DPH5: variants seen among roughly 807,000 people sequenced by gnomAD.
DPH5 encodes diphthine methyl ester synthase.
A neutral mutation model predicts 31.6 loss-of-function variants in DPH5; 31 were observed. The ratio of observed to expected loss-of-function variants is 0.98; its 90% confidence interval spans 0.74 to 1.32. The LOEUF is 1.32. Among genes scored for constraint, DPH5 ranks in the 40% most tolerant of loss-of-function variants. The probability of loss-of-function intolerance (pLI) is 0.00; values close to 1 mark genes in which losing one functional copy is unlikely to be tolerated. For synonymous variants in DPH5, 120 were observed against 115.0 expected, an observed-to-expected ratio of 1.04 and a Z score of -0.28; for missense variants, 309 against 335.7, an observed-to-expected ratio of 0.92 and a Z score of 0.62.
intron 4 of DPH5, 144 bp from the exon 5 acceptor site, chr1:101,001,731 G>A (rs1173355334): frequency 1.5e-6 from 1 of 654,154 alleles, no homozygotes; most frequent in Non-Finnish European, 2.5e-6. Context: ...ACCAAAAAAG[G>A]TAACAGGAAC....
chr1:101,021,906 A>C (rs1461845629), intron 2 of DPH5, 141 bp from the exon 3 acceptor site: 1 of 720,312 alleles, frequency 1.4e-6, no homozygotes, highest in Admixed American at 3.0e-5. Context: ...CCAAATGCAG[A>C]TCATTCAATA....
intron 2 of DPH5, among the ~76,000 whole-genome samples, chr1:101,024,570 G>A (rs1221698628): frequency 1.3e-5 from 2 of 152,142 alleles, no homozygotes; most frequent in African/African-American, 2.4e-5. Context: ...TGGAAGACAT[G>A]ACAATAAATC....
At chr1:100,998,309 G>A (rs745438088) in intron 5 of DPH5, among the ~76,000 whole-genome samples, 2 of 152,068 alleles carry the variant, frequency 1.3e-5, no homozygotes, top group Admixed American at 1.3e-4. Context: ...CCAGGGGTTT[G>A]AGACCAGCCT....
chr1:101,000,575 G>A (rs191089944), intron 5 of DPH5, among the ~76,000 whole-genome samples: 250 of 152,224 alleles, frequency 1.6e-3, no homozygotes, highest in African/African-American at 5.6e-3. Flanking sequence ...GCTAAGGAAT[G>A]TTTACAGTAC....
intron 6 of DPH5, among the ~76,000 whole-genome samples, chr1:100,993,277 G>T (rs970546495): frequency 6.6e-6 from 1 of 152,024 alleles, no homozygotes; most frequent in African/African-American, 2.4e-5. Context: ...TGCAGGCCAG[G>T]CGTGGTGGCT....
At chr1:101,012,987 A>G (rs933317438) in intron 4 of DPH5, among the ~76,000 whole-genome samples, 5 of 152,182 alleles carry the variant, frequency 3.3e-5, no homozygotes, top group African/African-American at 1.2e-4. Context: ...CACAGCTTCT[A>G]AGATGCATGT....
At chr1:101,022,858 A>C (rs1228444342) in intron 2 of DPH5, 1 of 152,148 alleles carries the variant, frequency 6.6e-6, no homozygotes, top group Non-Finnish European at 1.5e-5. Context: ...GCTATTATCT[A>C]TCCTTAAGAA....
At chr1:101,010,940 A>C (rs547997832) in intron 4 of DPH5, among the ~76,000 whole-genome samples, 1 of 152,308 alleles carries the variant, frequency 6.6e-6, no homozygotes, top group South Asian at 2.1e-4. Flanking sequence ...ACTTTGTTAC[A>C]AATACAAATT....
At chr1:101,000,093 G>A (rs1437881431) in intron 5 of DPH5, among the ~76,000 whole-genome samples, 1 of 151,926 alleles carries the variant, frequency 6.6e-6, no homozygotes, top group East Asian at 1.9e-4. Flanking sequence ...GTTGCAGTGA[G>A]CCGAGACTGC....
intron 3 of DPH5, among the ~76,000 whole-genome samples, chr1:101,020,225 A>C (rs745947521): frequency 6.6e-6 from 1 of 152,116 alleles, no homozygotes. Context: ...GTTGAACCCT[A>C]TCCAGACCCA....
In DPH5 at chr1:100,990,426, T is replaced by C; in HGVS notation, c.840A>G (p.Gln280=). 6.2e-7 allele frequency: 1 copy of C among 1,614,080 alleles called. No homozygotes were observed. The highest frequency in any genetic ancestry group is 8.5e-7 in the Non-Finnish European group (1 of 1,179,942). Residue 280 remains glutamine, a synonymous_variant, in exon 8 of 8, where the codon CAA becomes CAG. Transcript: ENST00000370109. ...TCTATGTTCAAAGTCCATTGATGCT[T>C]TGAGATTCTGAGCTATTTTCTGGTA... ...FSIPENSSES[Q]SINGL is the part of the protein sequence containing the mutation.
At chr1:101,011,961 C>T (rs150837840) in intron 4 of DPH5, among the ~76,000 whole-genome samples, 2,813 of 138,130 alleles carry the variant, frequency 0.02, 82 homozygotes, top group African/African-American at 0.07. Flanking sequence ...AGTGCAATGG[C>T]GCGATCTCAG....
At chr1:101,008,049 T>C (rs1659365918) in intron 4 of DPH5, among the ~76,000 whole-genome samples, 1 of 152,234 alleles carries the variant, frequency 6.6e-6, no homozygotes, top group African/African-American at 2.4e-5. Context: ...CTAAAATTTA[T>C]TGAATGAAAA....
At chr1:100,994,639 G>A (rs1658165448) in intron 6 of DPH5, among the ~76,000 whole-genome samples, 1 of 151,572 alleles carries the variant, frequency 6.6e-6, no homozygotes, top group Non-Finnish European at 1.5e-5. Context: ...CGATTCTCGT[G>A]CCTCAACCTC....
In DPH5 at chr1:100,989,674, T is replaced by C. The variant is rs188779177; in HGVS notation, c.*734A>G. On this transcript the variant is annotated 3_prime_UTR_variant, in exon 8 of 8. Transcript: ENST00000370109. Reference sequence around the variant, plus strand: ...TTTGCTTTTCTTGGCACTCATAACATTTTTTACCCTTTAAAACAGATTCAA... The same window carrying C: ...TTTGCTTTTCTTGGCACTCATAACACTTTTTACCCTTTAAAACAGATTCAA... The C allele has an allele frequency of 1.3e-5, 2 of 152,334 alleles. No homozygotes were observed. The highest frequency in any genetic ancestry group is 3.9e-4 in the East Asian group (2 of 5,188). The allele number at this position is 152,334 out of a possible 1,614,324, so 9.4% of individuals were successfully genotyped here.
At chr1:101,002,153 A>G (rs1478801459) in intron 4 of DPH5, among the ~76,000 whole-genome samples, 15 of 152,130 alleles carry the variant, frequency 9.9e-5, no homozygotes, top group Admixed American at 9.8e-4. Flanking sequence ...ATTTGGCAAG[A>G]TTGTATTTGT....
intron 7 of DPH5, among the ~76,000 whole-genome samples, chr1:100,991,357 C>A (rs1263844200): frequency 6.6e-6 from 1 of 152,122 alleles, no homozygotes; most frequent in Non-Finnish European, 1.5e-5. Context: ...CAAAAGGGGG[C>A]AAATGGTTTA....
chr1:100,999,821 A>G (rs1022385401), intron 5 of DPH5, among the ~76,000 whole-genome samples: 45 of 151,786 alleles, frequency 3.0e-4, no homozygotes, highest in African/African-American at 1.1e-3. Flanking sequence ...CCTGGGCAAC[A>G]AGAGCAAGGC....
chr1:100,992,610 T>G (rs1281749620), intron 7 of DPH5, 27 bp downstream of exon 7: 2,228 of 1,481,998 alleles, frequency 1.5e-3, no homozygotes, highest in Non-Finnish European at 1.9e-3. Flanking sequence ...AGGAATAATA[T>G]GAGAGCCCTT....
Sources: allele counts gnomAD v4.1 joint callset (sites outside exome capture counted in the v4.1 genomes callset), GRCh38; gene constraint gnomAD v4.1.1; transcripts MANE v1.5; gene names NCBI Gene and HGNC (gene_info 2026-07-23, HGNC 2026-07-21).